The following KIF4A variants were observed in gnomAD, a reference collection of about 807,000 sequenced individuals.
KIF4A encodes the protein kinesin family member 4A, also known as chromosome-associated kinesin KIF4A.
A neutral mutation model predicts 105.9 loss-of-function variants in KIF4A; 7 were observed. The observed-to-expected ratio is 0.07, with a 90% CI of 0.04 to 0.12. KIF4A has a LOEUF of 0.12. Among genes scored for constraint, KIF4A ranks in the 10% least tolerant of loss-of-function variants. The pLI, the probability that KIF4A is intolerant of heterozygous loss-of-function variation, is 1.00. For missense variants in KIF4A, 558 were observed against 929.2 expected (o/e 0.60, Z 5.19); for synonymous variants, 281 against 331.3 (o/e 0.85, Z 1.65).
chrX:70,385,778 G>A (rs2147728949), intron 18 of KIF4A, among the ~76,000 whole-genome samples: 1 of 112,480 alleles, frequency 8.9e-6, no homozygotes, highest in Non-Finnish European at 1.9e-5. Context: ...TGTGTGCTCA[G>A]CTGAAGCAGG....
At chrX:70,317,963 T>A (rs2085876440) in intron 7 of KIF4A, among the ~76,000 whole-genome samples, 1 of 108,895 alleles carries the variant, frequency 9.2e-6, no homozygotes, top group Admixed American at 9.8e-5. Context: ...CTGCAACCTC[T>A]GCCTCCTGGG....
chrX:70,345,474 A>G (rs988724835), intron 13 of KIF4A, among the ~76,000 whole-genome samples: 2 of 110,096 alleles, frequency 1.8e-5, no homozygotes, highest in Non-Finnish European at 3.8e-5. Flanking sequence ...AAAAAAAAAA[A>G]AAAAAGAAGA....
At chrX:70,398,394 A>C (rs962866760) in intron 22 of KIF4A, among the ~76,000 whole-genome samples, 4 of 112,441 alleles carry the variant, frequency 3.6e-5, no homozygotes, top group African/African-American at 9.7e-5. Context: ...CCATATGCGT[A>C]AGTAAATGAT....
intron 26 of KIF4A, 46 bp from the exon 27 acceptor site, chrX:70,406,213 C>T (rs984272858): frequency 2.8e-6 from 3 of 1,077,992 alleles, no homozygotes; most frequent in Admixed American, 4.4e-5. Flanking sequence ...TGAACACTCC[C>T]AGAAGCTGCC....
At chrX:70,307,833 C>G (rs1030505773) in intron 7 of KIF4A, among the ~76,000 whole-genome samples, 24 of 111,837 alleles carry the variant, frequency 2.1e-4, no homozygotes, top group African/African-American at 7.5e-4. Flanking sequence ...AAACTGGATT[C>G]CCTGTAGTTT....
intron 28 of KIF4A, among the ~76,000 whole-genome samples, chrX:70,407,884 A>C (rs2086306876): frequency 9.0e-6 from 1 of 111,606 alleles, no homozygotes; most frequent in Non-Finnish European, 1.9e-5. Context: ...CCTGACTAAC[A>C]GGAAGAAACC....
intron 18 of KIF4A, among the ~76,000 whole-genome samples, chrX:70,377,541 G>A (rs1414336261): frequency 8.9e-6 from 1 of 112,204 alleles, no homozygotes; most frequent in Admixed American, 9.5e-5. Context: ...TATAGACTAC[G>A]CCAACCAACA....
At chrX:70,402,737 A>C (rs766955347) in intron 23 of KIF4A, 42 bp downstream of exon 23, 5 of 1,183,252 alleles carry the variant, frequency 4.2e-6, no homozygotes, top group Non-Finnish European at 5.7e-6. Flanking sequence ...CTGGCTGTGT[A>C]GGTTGAAATG....
chrX:70,317,503 G>T (rs2085873796), intron 7 of KIF4A, among the ~76,000 whole-genome samples: 1 of 106,352 alleles, frequency 9.4e-6, no homozygotes, highest in Non-Finnish European at 1.9e-5. Flanking sequence ...TCTCTCTCCA[G>T]GTATCCATTC....
chrX:70,401,228 C>T lies in KIF4A; in HGVS notation c.2490-1338C>T, dbSNP rs1447916604. 7.6e-5 allele frequency among the ~76,000 whole-genome samples: 8 copies of T among 105,857 alleles called. No homozygotes were observed. In the East Asian group the frequency reaches 1.8e-3, roughly 23 times the overall value. The allele number at this position is 105,857 out of a possible 115,157, so 91.9% of individuals were successfully genotyped here. On this transcript the variant is annotated intron_variant, in intron 22 of 30. Coordinates refer to ENST00000374403, the MANE Select transcript of KIF4A (RefSeq NM_012310.5). Reference sequence around the variant, plus strand: ...CCAAGTAGCTGGAATTACAGGCACACGCCACCACCCCTAACTAATTTTTGT... The same window carrying T: ...CCAAGTAGCTGGAATTACAGGCACATGCCACCACCCCTAACTAATTTTTGT...
intron 18 of KIF4A, among the ~76,000 whole-genome samples, chrX:70,382,301 C>T (rs992203285): frequency 5.4e-5 from 6 of 111,565 alleles, no homozygotes; most frequent in Non-Finnish European, 1.1e-4. Context: ...CATGGTCGTA[C>T]ATGCCTGTAA....
At chrX:70,379,190 A>C in intron 18 of KIF4A, among the ~76,000 whole-genome samples, 1 of 111,053 alleles carries the variant, frequency 9.0e-6, no homozygotes, top group South Asian at 3.8e-4. Context: ...AAAAAGAAAA[A>C]AAAGAAAGAA....
At chrX:70,350,647 C>T (rs112318885) in intron 13 of KIF4A, among the ~76,000 whole-genome samples, 7,551 of 110,522 alleles carry the variant, frequency 0.068, 241 homozygotes, top group Non-Finnish European at 0.098. Flanking sequence ...ATGGCAGCAC[C>T]GCATTCCAGC....
chrX:70,367,045 C>T (rs2086107053), intron 15 of KIF4A, among the ~76,000 whole-genome samples: 1 of 111,535 alleles, frequency 9.0e-6, no homozygotes, highest in Non-Finnish European at 1.9e-5. Flanking sequence ...GGTTTAAAGT[C>T]TGTTTTATCC....
At chrX:70,339,090 A>G (rs2085962735) in intron 10 of KIF4A, among the ~76,000 whole-genome samples, 2 of 109,333 alleles carry the variant, frequency 1.8e-5, no homozygotes, top group Middle Eastern at 4.7e-3. Flanking sequence ...ATCTCAAAAA[A>G]AAAAAAAAAA....
chrX:70,366,317 C>T (rs1461662723), intron 15 of KIF4A, among the ~76,000 whole-genome samples: 1 of 111,075 alleles, frequency 9.0e-6, no homozygotes, highest in Non-Finnish European at 1.9e-5. Context: ...GCTCTTGCTT[C>T]TCTAGTTCTT....
intron 15 of KIF4A, among the ~76,000 whole-genome samples, chrX:70,365,469 T>A (rs760233569): frequency 8.9e-6 from 1 of 112,310 alleles, no homozygotes; most frequent in African/African-American, 3.2e-5. Flanking sequence ...TTGAATTTTG[T>A]CAAAGGCCTT....
At chrX:70,395,158 ATTGC>A (rs1282402416) in intron 20 of KIF4A, among the ~76,000 whole-genome samples, 3 of 111,828 alleles carry the variant, frequency 2.7e-5, no homozygotes, top group Non-Finnish European at 5.6e-5. Flanking sequence ...AGGCACAAGA[ATTGC>A]TTGAACCTGG....
chrX:70,375,065 A>G, intron 16 of KIF4A, 139 bp from the exon 17 acceptor site: 1 of 653,738 alleles, frequency 1.5e-6, no homozygotes, highest in Non-Finnish European at 2.2e-6. Flanking sequence ...TTTGGGTGGT[A>G]TTCTTTTTTT....
Sources: allele counts gnomAD v4.1 joint callset (sites outside exome capture counted in the v4.1 genomes callset), GRCh38; gene constraint gnomAD v4.1.1; transcripts MANE v1.5; gene names NCBI Gene and HGNC (gene_info 2026-07-23, HGNC 2026-07-21).